Variants in TBCE observed in about 807,000 individuals in gnomAD.
The protein encoded by TBCE is tubulin-specific chaperone E.
TBCE carries 53 observed loss-of-function variants against 77.0 expected under a neutral mutation model. That is an observed-to-expected ratio of 0.69 (90% CI 0.55 to 0.87). The LOEUF is 0.87. Ranked by LOEUF, TBCE falls within the 40% of genes least tolerant of loss-of-function variation. The pLI is 0.00. For missense variants in TBCE, 624 were observed against 622.4 expected (o/e 1.00, Z -0.03); for synonymous variants, 235 against 241.3 (o/e 0.97, Z 0.24).
At chr1:235,414,863 A>G in intron 4 of TBCE, 1 of 476,122 alleles carries the variant, frequency 2.1e-6, no homozygotes, top group Non-Finnish European at 3.8e-6. Flanking sequence ...CATTATTACT[A>G]TTCACATCAT....
chr1:235,436,033 A>G (rs763245809), intron 9 of TBCE, 193 bp downstream of exon 9: 6 of 623,048 alleles, frequency 9.6e-6, no homozygotes. Flanking sequence ...TATAATGTGG[A>G]CTATGTCTGT....
At position 235,448,437 on chromosome 1, in the gene TBCE, C is replaced by CAAAGT. The variant is rs746593718; in HGVS notation, c.1491_1491+4dup. The stretch of plus-strand genomic sequence containing the variant: ...ACCTTCTGTTGTCCTATGAAAGTCC[C>CAAAGT]AAAGTAAGTTGCCCAGCAAAATACA... On this transcript the variant is annotated frameshift_variant, in exon 16 of 17. Transcript: ENST00000642610. LOFTEE classifies it high-confidence loss of function. 67 of 1,613,784 alleles carry CAAAGT rather than the reference C, an allele frequency of 4.2e-5. No individual in the cohort carries two copies. The highest frequency in any genetic ancestry group is 8.0e-5 in the African/African-American group (6 of 74,870).
intron 5 of TBCE, among the ~76,000 whole-genome samples, chr1:235,425,102 G>C (rs959919453): frequency 5.3e-5 from 8 of 152,244 alleles, no homozygotes; most frequent in African/African-American, 1.9e-4. Context: ...TCCACGGCCT[G>C]CCCTCTTCCA....
chr1:235,427,031 A>G, intron 5 of TBCE, 109 bp from the exon 6 acceptor site: 2 of 767,176 alleles, frequency 2.6e-6, no homozygotes, highest in South Asian at 1.5e-5. Flanking sequence ...AGCTGACTAG[A>G]GGGTATAAAA....
At position 235,430,943 on chromosome 1, in the gene TBCE, A is replaced by G. The variant is rs1681048763; in HGVS notation, c.660+139A>G. 8.0e-6 allele frequency: 6 copies of G among 747,556 alleles called. No homozygotes were observed. The Admixed American group carries it at 1.4e-4, about 18-fold the overall frequency. 46.3% of individuals were successfully genotyped at this position (747,556 alleles called of 1,614,324 possible). A position where few individuals can be genotyped will look rare whatever the true frequency, so the allele number is the denominator to read the frequency against. On this transcript the variant is annotated intron_variant, in intron 7 of 16. Transcript: ENST00000642610. ...CCAGTATCTATTAATAGATAACAAG[A>G]TTCATTAAAGTGCCTTATAAAAACG...
At position 235,450,671 on chromosome 1, in the gene TBCE, G is replaced by T. The variant is rs1260191955; in HGVS notation, c.*1909G>T. On this transcript the variant is annotated 3_prime_UTR_variant, in exon 17 of 17. Transcript: ENST00000642610. ...TAAAGGTGTGTCTATGGCAGTATTA[G>T]TAACAGCTATTATTCTGATGGAATG... 3.1e-5 allele frequency: 8 copies of T among 255,774 alleles called. No homozygotes were observed. Among genetic ancestry groups the T allele is most frequent in the Admixed American group, 1.4e-4 (3 of 20,772 alleles). The allele number at this position is 255,774 out of a possible 1,614,324, so 15.8% of individuals were successfully genotyped here. A position where few individuals can be genotyped will look rare whatever the true frequency, so the allele number is the denominator to read the frequency against.
chr1:235,400,397 T>A (rs573608515), intron 2 of TBCE, among the ~76,000 whole-genome samples: 2 of 124,972 alleles, frequency 1.6e-5, no homozygotes, highest in South Asian at 2.4e-4. Context: ...AAGGAAAAAA[T>A]TATTTTTCCT....
chr1:235,446,006 AAATT>A (rs1228939423), intron 15 of TBCE, among the ~76,000 whole-genome samples: 2 of 152,150 alleles, frequency 1.3e-5, no homozygotes, highest in Admixed American at 6.5e-5. Context: ...AAAATAAAAT[AAATT>A]GAGTTCTTCA....
chr1:235,428,518 A>G (rs1680872397), intron 6 of TBCE, among the ~76,000 whole-genome samples: 1 of 152,168 alleles, frequency 6.6e-6, no homozygotes, highest in Non-Finnish European at 1.5e-5. Context: ...TACCAGGTGT[A>G]TACCCCAGAC....
chr1:235,449,753 A>G lies in TBCE; in HGVS notation c.*991A>G, dbSNP rs1393996008. On this transcript the variant is annotated 3_prime_UTR_variant, in exon 17 of 17. Coordinates refer to ENST00000642610, the MANE Select transcript of TBCE (RefSeq NM_003193.5). ...ATATGTGATCACATGATCACACAGCATTCCTGTGAGTTCCTTTTTGTCTGA... is the reference window on the plus strand; with the variant it reads ...ATATGTGATCACATGATCACACAGCGTTCCTGTGAGTTCCTTTTTGTCTGA... 6.5e-6 allele frequency: 1 copy of G among 154,852 alleles called. No homozygotes were observed. Among genetic ancestry groups the G allele is most frequent in the Non-Finnish European group, 1.4e-5 (1 of 69,724 alleles). The allele number at this position is 154,852 out of a possible 1,614,324, so 9.6% of individuals were successfully genotyped here.
At chr1:235,394,490 A>G (rs1377391261) in intron 2 of TBCE, among the ~76,000 whole-genome samples, 3 of 123,890 alleles carry the variant, frequency 2.4e-5, no homozygotes, top group South Asian at 2.4e-4. Context: ...CAGTAGTGCT[A>G]TCATAGCTCA....
chr1:235,375,578 C>T (rs544028265), intron 1 of TBCE, among the ~76,000 whole-genome samples: 12 of 152,200 alleles, frequency 7.9e-5, no homozygotes, highest in African/African-American at 2.9e-4. Context: ...GTAGGTCTAA[C>T]ATCAGGAAAC....
At chr1:235,414,726 G>A in intron 4 of TBCE, 108 bp downstream of exon 4, 1 of 1,099,544 alleles carries the variant, frequency 9.1e-7, no homozygotes, top group Admixed American at 2.0e-5. Context: ...TCCTAAACTG[G>A]TTTATGGTTC....
intron 1 of TBCE, among the ~76,000 whole-genome samples, chr1:235,372,467 G>T (rs576426118): frequency 6.6e-6 from 1 of 152,094 alleles, no homozygotes; most frequent in East Asian, 1.9e-4. Context: ...GTTTTCTTTG[G>T]AGTTGTAAAT....
intron 7 of TBCE, among the ~76,000 whole-genome samples, chr1:235,432,600 G>A (rs966456911): frequency 6.6e-6 from 1 of 152,132 alleles, no homozygotes; most frequent in Non-Finnish European, 1.5e-5. Context: ...AGCTAGGATT[G>A]CACCTTTGCA....
At chr1:235,436,700 A>G in intron 11 of TBCE, 92 bp downstream of exon 11, 5 of 1,266,552 alleles carry the variant, frequency 3.9e-6, no homozygotes, top group Non-Finnish European at 5.8e-6. Context: ...AAAAGTAAAA[A>G]GAAATTTAAA....
chr1:235,395,733 C>G (rs779404849), intron 2 of TBCE, among the ~76,000 whole-genome samples: 3 of 151,662 alleles, frequency 2.0e-5, no homozygotes, highest in Non-Finnish European at 2.9e-5. Flanking sequence ...TTAATGGAGA[C>G]GGGGATTTGC....
At chr1:235,405,880 G>A (rs557847772) in intron 3 of TBCE, among the ~76,000 whole-genome samples, 2 of 152,218 alleles carry the variant, frequency 1.3e-5, no homozygotes, top group East Asian at 3.9e-4. Flanking sequence ...TTCACTAGGA[G>A]ATAGGATTTT....
chr1:235,432,596 G>C (rs191380329), intron 7 of TBCE, among the ~76,000 whole-genome samples: 3 of 152,144 alleles, frequency 2.0e-5, no homozygotes, highest in African/African-American at 7.2e-5. Context: ...AGTGAGCTAG[G>C]ATTGCACCTT....
Sources: gnomAD v4.1 joint callset for allele counts (sites outside exome capture counted in the v4.1 genomes callset) on GRCh38, gnomAD v4.1.1 for gene constraint, MANE v1.5 for transcripts, NCBI Gene and HGNC (gene_info 2026-07-23, HGNC 2026-07-21) for gene names.